The following TMPRSS11A variants were observed in gnomAD, a reference collection of about 807,000 sequenced individuals.
TMPRSS11A encodes the protein transmembrane serine protease 11A, also known as transmembrane protease serine 11A.
Under a neutral mutation model 58.9 loss-of-function variants are expected in TMPRSS11A, and 53 were observed. The ratio of observed to expected loss-of-function variants is 0.90; its 90% CI spans 0.72 to 1.13. The LOEUF (loss-of-function observed/expected upper bound fraction) is 1.13, where lower values mean the gene tolerates loss of function less well. Among genes scored for constraint, TMPRSS11A ranks in the 50% most tolerant of loss-of-function variants. The probability of loss-of-function intolerance (pLI) is 0.00; values close to 1 mark genes in which losing one functional copy is unlikely to be tolerated. For synonymous variants in TMPRSS11A, 167 were observed against 169.8 expected, an observed-to-expected ratio of 0.98 and a Z score of 0.13; for missense variants, 493 against 499.3, an observed-to-expected ratio of 0.99 and a Z score of 0.12.
At chr4:67,945,643 G>T (rs892786890) in intron 2 of TMPRSS11A, among the ~76,000 whole-genome samples, 2 of 152,162 alleles carry the variant, frequency 1.3e-5, no homozygotes, top group Non-Finnish European at 2.9e-5. Context: ...GCCCTTTAAG[G>T]CTCCAAGTAG....
rs965291787 is a variant in TMPRSS11A, at chr4:67,924,152, T to G, written c.496A>C (p.Thr166Pro). The change falls in exon 6 of 10, where the codon ACA (threonine) becomes CCA (proline). Residue 166 changes from threonine to proline, a missense_variant. Physicochemically the swap from Thr to Pro is conservative, Grantham distance 38. Transcript: ENST00000508048. ...SVQVNAMSSS[T>P]GELTVQASCG... ...CTTGCTTGGACAGTTAACTCCCCTG[T>G]TGATGAGCTCATTGCTGAAAAAGAA... 1 of 1,613,434 alleles carries G rather than the reference T, an allele frequency of 6.2e-7. No homozygotes were observed. Among genetic ancestry groups the G allele is most frequent in the African/African-American group, 1.3e-5 (1 of 74,912 alleles).
At chr4:67,920,821 C>T (rs1290474002) in intron 7 of TMPRSS11A, among the ~76,000 whole-genome samples, 1 of 151,840 alleles carries the variant, frequency 6.6e-6, no homozygotes, top group African/African-American at 2.4e-5. Context: ...CCTAAATGCC[C>T]ATTAGTGATA....
intron 3 of TMPRSS11A, among the ~76,000 whole-genome samples, chr4:67,942,536 C>G (rs1340883339): frequency 1.3e-5 from 2 of 152,252 alleles, no homozygotes; most frequent in East Asian, 1.9e-4. Flanking sequence ...TTTAAGATAC[C>G]CAGCCTATGG....
intron 3 of TMPRSS11A, among the ~76,000 whole-genome samples, chr4:67,940,990 G>A (rs1221776842): frequency 6.6e-6 from 1 of 152,114 alleles, no homozygotes; most frequent in Non-Finnish European, 1.5e-5. Context: ...CTGCAGGATG[G>A]CCAGCCGGCA....
At chr4:67,926,225 A>G (rs1420843713) in intron 5 of TMPRSS11A, among the ~76,000 whole-genome samples, 1 of 109,722 alleles carries the variant, frequency 9.1e-6, no homozygotes, top group Non-Finnish European at 2.1e-5. Context: ...CCCACACCAC[A>G]CAGTTTTTTT....
chr4:67,962,213 A>G (rs73823394), intron 1 of TMPRSS11A, among the ~76,000 whole-genome samples: 1,818 of 152,298 alleles, frequency 0.012, 39 homozygotes, highest in African/African-American at 0.042. Flanking sequence ...TGTTTGAAGC[A>G]TTGAAGACCC....
intron 1 of TMPRSS11A, among the ~76,000 whole-genome samples, chr4:67,952,285 A>T (rs903901116): frequency 1.3e-5 from 2 of 152,244 alleles, no homozygotes; most frequent in African/African-American, 4.8e-5. Context: ...GCTATGACTT[A>T]GAAGCCTGTT....
Position 67,919,057 on chromosome 4 carries a change from G to T in TMPRSS11A, c.868C>A (p.Gln290Lys), listed in dbSNP as rs539520672. ...GCAGAGGCTTCTGGCAAACAAATCT[G>T]GCGTATGTCATCCGAAAAGGTGACT... is the stretch of plus-strand genomic sequence containing the variant. ...SRVTFSDDIRQICLPEASASF... is the reference protein window; with the variant it reads ...SRVTFSDDIRKICLPEASASF... The change falls in exon 8 of 10, where the codon CAG (glutamine) becomes AAG (lysine). Residue 290 changes from glutamine to lysine, a missense_variant. Gln to Lys is a moderately conservative substitution (Grantham distance 53). Coordinates refer to ENST00000508048, the MANE Select transcript of TMPRSS11A (RefSeq NM_001114387.2). 8 of 1,613,956 alleles carry T rather than the reference G, an allele frequency of 5.0e-6. No individual in the cohort carries two copies. The highest frequency in any genetic ancestry group is 1.6e-4 in the Middle Eastern group (1 of 6,084).
intron 1 of TMPRSS11A, among the ~76,000 whole-genome samples, chr4:67,949,629 T>C (rs970355910): frequency 1.3e-5 from 2 of 152,192 alleles, no homozygotes; most frequent in African/African-American, 4.8e-5. Flanking sequence ...GAGGCTGAAG[T>C]GGGCAGGTCA....
chr4:67,955,447 G>A (rs1178016968), intron 1 of TMPRSS11A, among the ~76,000 whole-genome samples: 1 of 152,188 alleles, frequency 6.6e-6, no homozygotes, highest in South Asian at 2.1e-4. Flanking sequence ...ATGGTATCAG[G>A]TTGGAGGTTT....
intron 1 of TMPRSS11A, among the ~76,000 whole-genome samples, chr4:67,950,045 G>A (rs760840754): frequency 6.6e-6 from 1 of 152,124 alleles, no homozygotes; most frequent in Non-Finnish European, 1.5e-5. Flanking sequence ...ACAAACACAG[G>A]TGTATTAATT....
In TMPRSS11A at chr4:67,924,010, A is replaced by G. The variant is rs545238566; in HGVS notation, c.520+118T>C. On this transcript the variant is annotated intron_variant, in intron 6 of 9. Coordinates refer to ENST00000508048, the MANE Select transcript of TMPRSS11A (RefSeq NM_001114387.2). ...AAATGTATTTAAATCTATCGTACAA[A>G]TAGTTATTATCTCTCAAAGAAAATC... 1,042 of 861,578 alleles carry G rather than the reference A, an allele frequency of 1.2e-3. 12 individuals carry two copies. Among genetic ancestry groups the G allele is most frequent in the Non-Finnish European group, 2.3e-4 (118 of 505,926 alleles). 53.4% of individuals were successfully genotyped at this position (861,578 alleles called of 1,614,324 possible).
chr4:67,917,479 TA>T (rs1198716566), intron 8 of TMPRSS11A, among the ~76,000 whole-genome samples: 1 of 152,212 alleles, frequency 6.6e-6, no homozygotes, highest in Non-Finnish European at 1.5e-5. Flanking sequence ...ATTTCAATTT[TA>T]AAAAACTTCT....
At chr4:67,928,167 C>A (rs943427572) in intron 5 of TMPRSS11A, among the ~76,000 whole-genome samples, 20 of 152,220 alleles carry the variant, frequency 1.3e-4, no homozygotes, top group Non-Finnish European at 2.1e-4. Context: ...CCCTCAGTCT[C>A]CCAAGTAGCT....
rs1370840 is a variant in TMPRSS11A at position 67,944,528 on chromosome 4, G to A, written c.243C>T (p.Thr81=). Residue 81 remains threonine (T), a synonymous_variant, in exon 3 of 10, where the codon ACC becomes ACT. Coordinates refer to ENST00000508048, the MANE Select transcript of TMPRSS11A (RefSeq NM_001114387.2). ...AGTTTACCTGACTCACCAAATTTTC[G>A]GTCGTCTCTCGTAAGTCCTTAAGTT... ...TYQLKDLRET[T]ENLVDEIFID... is the part of the protein sequence containing the mutation. 0.2 allele frequency: 327,681 copies of A among 1,604,458 alleles called. 40,197 individuals carry two copies. The highest frequency in any genetic ancestry group is 0.51 in the African/African-American group (38,311 of 74,506).
intron 9 of TMPRSS11A, among the ~76,000 whole-genome samples, chr4:67,912,678 T>A (rs1211615865): frequency 6.6e-6 from 1 of 152,190 alleles, no homozygotes; most frequent in South Asian, 2.1e-4. Context: ...CCTTCTAGAG[T>A]TACTGTTGAG....
chr4:67,914,879 G>A, intron 8 of TMPRSS11A, 149 bp from the exon 9 acceptor site: 3 of 568,644 alleles, frequency 5.3e-6, no homozygotes, highest in Non-Finnish European at 8.8e-6. Flanking sequence ...AAGAATTTCT[G>A]GTTAAATCTG....
At chr4:67,955,946 TTCTATAGGCA>T (rs1237660464) in intron 1 of TMPRSS11A, among the ~76,000 whole-genome samples, 1 of 152,210 alleles carries the variant, frequency 6.6e-6, no homozygotes, top group Non-Finnish European at 1.5e-5. Context: ...AAAAGAGGTC[TTCTATAGGCA>T]TCTTGGTATT....
intron 3 of TMPRSS11A, among the ~76,000 whole-genome samples, chr4:67,932,378 C>T (rs1045526394): frequency 1.3e-5 from 2 of 152,114 alleles, no homozygotes; most frequent in African/African-American, 4.8e-5. Context: ...CTTGCTAAAA[C>T]ACCATAGAAG....
Sources: gnomAD v4.1 joint callset for allele counts (sites outside exome capture counted in the v4.1 genomes callset) on GRCh38, gnomAD v4.1.1 for gene constraint, MANE v1.5 for transcripts, NCBI Gene and HGNC (gene_info 2026-07-23, HGNC 2026-07-21) for gene names.